The following TACR1 variants were observed in gnomAD, a reference collection of about 807,000 sequenced individuals.
TACR1 encodes the protein tachykinin receptor 1.
In TACR1, 25 loss-of-function variants were observed where a neutral mutation model predicts 35.8. That is an observed-to-expected ratio of 0.70 (90% CI 0.51 to 0.98). TACR1 has a LOEUF of 0.98. Among genes scored for constraint, TACR1 ranks in the 50% least tolerant of loss-of-function variants. The pLI is 0.00. For missense variants in TACR1, 478 were observed against 522.9 expected, an observed-to-expected ratio of 0.91 and a Z score of 0.84; for synonymous variants, 195 against 206.7, an observed-to-expected ratio of 0.94 and a Z score of 0.48.
chr2:75,107,116 A>C (rs2103881760), intron 2 of TACR1, among the ~76,000 whole-genome samples: 1 of 152,144 alleles, frequency 6.6e-6, no homozygotes, highest in Admixed American at 6.5e-5. Context: ...TATTAATACT[A>C]CAGGAAGTAG....
At chr2:75,054,709 C>T (rs1672538818) in intron 2 of TACR1, among the ~76,000 whole-genome samples, 1 of 151,894 alleles carries the variant, frequency 6.6e-6, no homozygotes, top group Non-Finnish European at 1.5e-5. Context: ...CAGCCCTTTT[C>T]TTAGATGTGA....
intron 2 of TACR1, chr2:75,091,063 T>C (rs982531075): frequency 6.6e-6 from 1 of 151,932 alleles, no homozygotes; most frequent in Non-Finnish European, 1.5e-5. Flanking sequence ...AATCAAGATA[T>C]AACCTTCATT....
In TACR1 at chr2:75,198,838, C is replaced by A. The variant is rs1332338004; in HGVS notation, c.97G>T (p.Val33Phe). Reference sequence around the variant, plus strand: ...ACCGTGTAGGCAGCTGCCCAAAGGACAATTTGCCAGGCTGGTTGCACGAAC... The same window carrying A: ...ACCGTGTAGGCAGCTGCCCAAAGGAAAATTTGCCAGGCTGGTTGCACGAAC... ...NQFVQPAWQI[V>F]LWAAAYTVIV... is the part of the protein sequence containing the mutation. The change falls in exon 1 of 5, where the codon GTC becomes TTC. Residue 33 changes from valine (V) to phenylalanine (F), a missense_variant. Coordinates refer to ENST00000305249, the MANE Select transcript of TACR1 (RefSeq NM_001058.4). 6.2e-7 allele frequency: 1 copy of A among 1,614,118 alleles called. No homozygotes were observed. Among genetic ancestry groups the A allele is most frequent in the Non-Finnish European group, 8.5e-7 (1 of 1,180,020 alleles).
At chr2:75,145,131 G>C (rs1261857983) in intron 1 of TACR1, among the ~76,000 whole-genome samples, 2 of 151,984 alleles carry the variant, frequency 1.3e-5, no homozygotes, top group Non-Finnish European at 2.9e-5. Flanking sequence ...TGTATGATTA[G>C]ATCAAAAGAG....
intron 2 of TACR1, among the ~76,000 whole-genome samples, chr2:75,104,859 G>A (rs1673608470): frequency 6.6e-6 from 1 of 152,070 alleles, no homozygotes; most frequent in African/African-American, 2.4e-5. Context: ...CTGTTATGAT[G>A]GCTATTACTA....
intron 1 of TACR1, among the ~76,000 whole-genome samples, chr2:75,170,005 T>G (rs1675238132): frequency 6.6e-6 from 1 of 152,232 alleles, no homozygotes; most frequent in South Asian, 2.1e-4. Context: ...TTTTTTTCCT[T>G]TCTCTTAGCC....
At chr2:75,051,554 G>T in intron 3 of TACR1, 107 bp from the exon 4 acceptor site, 1 of 1,527,606 alleles carries the variant, frequency 6.5e-7, no homozygotes. Context: ...GATGAAGCGA[G>T]AAGTATTTAA....
chr2:75,151,797 C>G (rs1300733283), intron 1 of TACR1, among the ~76,000 whole-genome samples: 1 of 152,196 alleles, frequency 6.6e-6, no homozygotes, highest in Non-Finnish European at 1.5e-5. Context: ...ACACTCAACA[C>G]CAGCCTGTGA....
chr2:75,053,472 C>G, intron 3 of TACR1, 133 bp downstream of exon 3: 5 of 1,173,296 alleles, frequency 4.3e-6, no homozygotes, highest in Non-Finnish European at 4.5e-6. Context: ...AGATTCCTCT[C>G]CTCCTCTCTG....
chr2:75,066,652 G>A (rs1355195628), intron 2 of TACR1, among the ~76,000 whole-genome samples: 3 of 152,096 alleles, frequency 2.0e-5, no homozygotes, highest in African/African-American at 4.8e-5. Flanking sequence ...AGAGACTCTC[G>A]GTTAACTGAA....
intron 2 of TACR1, among the ~76,000 whole-genome samples, chr2:75,099,243 C>T (rs923622351): frequency 2.6e-5 from 4 of 152,154 alleles, no homozygotes; most frequent in African/African-American, 4.8e-5. Flanking sequence ...TGCTGAGACT[C>T]CTCATCTCCA....
intron 1 of TACR1, among the ~76,000 whole-genome samples, chr2:75,132,208 A>T (rs555430995): frequency 1.2e-4 from 19 of 152,302 alleles, no homozygotes; most frequent in African/African-American, 4.6e-4. Flanking sequence ...CATTTCTCAC[A>T]ATTATAGTGA....
At chr2:75,074,425 T>C (rs1266615241) in intron 2 of TACR1, among the ~76,000 whole-genome samples, 1 of 152,186 alleles carries the variant, frequency 6.6e-6, no homozygotes, top group African/African-American at 2.4e-5. Context: ...AGAGCTCAGA[T>C]TTCATGTCCG....
intron 1 of TACR1, among the ~76,000 whole-genome samples, chr2:75,146,090 C>T (rs770148435): frequency 1.2e-4 from 18 of 152,188 alleles, no homozygotes; most frequent in South Asian, 2.1e-4. Context: ...AGGAGGAAGG[C>T]ATAAAACCAG....
chr2:75,164,068 C>G (rs1234058379), intron 1 of TACR1, among the ~76,000 whole-genome samples: 1 of 152,070 alleles, frequency 6.6e-6, no homozygotes, highest in Non-Finnish European at 1.5e-5. Flanking sequence ...TGGTTCACAA[C>G]TGTAATCCCA....
At chr2:75,172,087 G>A (rs1017119513) in intron 1 of TACR1, among the ~76,000 whole-genome samples, 2 of 152,192 alleles carry the variant, frequency 1.3e-5, no homozygotes, top group Non-Finnish European at 2.9e-5. Flanking sequence ...TCTCTTTCTT[G>A]TGCTAAATTA....
At chr2:75,182,091 G>T (rs948596905) in intron 1 of TACR1, among the ~76,000 whole-genome samples, 5 of 152,236 alleles carry the variant, frequency 3.3e-5, no homozygotes, top group Non-Finnish European at 5.9e-5. Flanking sequence ...CTAAGGATTA[G>T]ACAGGGCTTG....
chr2:75,087,396 A>T (rs540998089), intron 2 of TACR1, among the ~76,000 whole-genome samples: 1 of 152,318 alleles, frequency 6.6e-6, no homozygotes, highest in Middle Eastern at 3.4e-3. Context: ...ACTTCTGCAA[A>T]CCTCCCTTTG....
chr2:75,050,107 A>T (rs1228501615), intron 4 of TACR1, among the ~76,000 whole-genome samples: 1 of 152,210 alleles, frequency 6.6e-6, no homozygotes, highest in East Asian at 1.9e-4. Flanking sequence ...GTAAAAACAC[A>T]TATCAAGATT....
Sources: allele counts gnomAD v4.1 joint callset (sites outside exome capture counted in the v4.1 genomes callset), GRCh38; gene constraint gnomAD v4.1.1; transcripts MANE v1.5; gene names NCBI Gene and HGNC (gene_info 2026-07-23, HGNC 2026-07-21).